KIAA0586: variants seen among roughly 807,000 people sequenced by gnomAD.
The protein encoded by KIAA0586 is KIAA0586.
A neutral mutation model predicts 169.8 loss-of-function variants in KIAA0586; 144 were observed. The ratio of observed to expected loss-of-function variants is 0.85; its 90% CI spans 0.74 to 0.97. The LOEUF is 0.97. Among genes scored for constraint, KIAA0586 ranks in the 50% least tolerant of loss-of-function variants. KIAA0586 has a pLI of 0.00. For synonymous variants in KIAA0586, 625 were observed against 612.4 expected (o/e 1.02, Z -0.30); for missense variants, 1,854 against 1,823.0 (o/e 1.02, Z -0.31).
At chr14:58,559,881 G>A in the KIAA0586 span, among the ~76,000 whole-genome samples, 25 of 152,068 alleles carry the variant, frequency 1.6e-4, no homozygotes, top group African/African-American at 5.1e-4. Flanking sequence ...AGCCGGGCGC[G>A]GTGGCTCACG....
intron 4 of KIAA0586, among the ~76,000 whole-genome samples, chr14:58,438,283 TAAAA>T (rs1228225608): frequency 6.6e-6 from 1 of 152,112 alleles, no homozygotes; most frequent in Non-Finnish European, 1.5e-5. Context: ...TTGGAAAAAA[TAAAA>T]TTTAAAAGCC....
At chr14:58,547,074 T>C (rs2047027747) in intron 30 of KIAA0586, among the ~76,000 whole-genome samples, 1 of 152,084 alleles carries the variant, frequency 6.6e-6, no homozygotes, top group Non-Finnish European at 1.5e-5. Context: ...AGTCCATTTT[T>C]TAGGAATAGG....
intron 20 of KIAA0586, among the ~76,000 whole-genome samples, chr14:58,478,756 A>T (rs2041835049): frequency 6.6e-6 from 1 of 152,182 alleles, no homozygotes; most frequent in Non-Finnish European, 1.5e-5. Flanking sequence ...ACTCGTGCCC[A>T]CTGGCCCCTA....
intron 29 of KIAA0586, among the ~76,000 whole-genome samples, chr14:58,529,377 C>T (rs550882306): frequency 3.9e-5 from 6 of 152,112 alleles, no homozygotes; most frequent in Non-Finnish European, 7.3e-5. Flanking sequence ...CATCCTGATA[C>T]GAAAACCTGG....
At chr14:58,472,300 T>G (rs1212854676) in intron 18 of KIAA0586, 21 bp downstream of exon 18, 2 of 1,392,440 alleles carry the variant, frequency 1.4e-6, no homozygotes, top group Non-Finnish European at 1.9e-6. Context: ...TTAGAAACCA[T>G]GAGAAATTAT....
Position 58,472,265 on chromosome 14 carries a change from A to G in KIAA0586, c.2620A>G (p.Ile874Val). 1 of 1,563,388 alleles carries G rather than the reference A, an allele frequency of 6.4e-7. No homozygotes were observed. The highest frequency in any genetic ancestry group is 1.2e-5 in the South Asian group (1 of 83,478). The change falls in exon 18 of 31, where the codon ATC becomes GTC. Residue 874 changes from isoleucine to valine, a missense_variant. Coordinates refer to ENST00000652326, the MANE Select transcript of KIAA0586 (RefSeq NM_001329943.3). ...TCCAGGAACTAACTTTGATGAAATA[A>G]TCGATGTCATACAGGTAACAAAGCT... The part of the protein sequence containing the change: ...KFPGTNFDEI[I>V]DVIQEEEKCD...
intron 7 of KIAA0586, among the ~76,000 whole-genome samples, chr14:58,449,709 G>T (rs1353753919): frequency 6.6e-6 from 1 of 152,200 alleles, no homozygotes; most frequent in Non-Finnish European, 1.5e-5. Context: ...GTATGACCCA[G>T]CTGAGTGCCT....
chr14:58,489,915 A>G (rs1385702890), intron 24 of KIAA0586, among the ~76,000 whole-genome samples: 1 of 152,144 alleles, frequency 6.6e-6, no homozygotes, highest in East Asian at 1.9e-4. Flanking sequence ...TTTCATAACT[A>G]CAATTGATAT....
In KIAA0586 at chr14:58,500,302, T is replaced by A. The variant is rs181606749; in HGVS notation, c.4168+1342T>A. ...TTAATATATATTTTGGATTCATTAA[T>A]ATTGAACTCACAGCCATTGAACTAT... On this transcript the variant is annotated intron_variant, in intron 27 of 30. Transcript: ENST00000652326. Among the ~76,000 whole-genome samples, 257 of 152,342 alleles carry A rather than the reference T, an allele frequency of 1.7e-3. 1 individual carries two copies. Among genetic ancestry groups the A allele is most frequent in the African/African-American group, 5.7e-3 (237 of 41,576 alleles).
At chr14:58,523,719 ATATTATTAT>A (rs542449532) in intron 29 of KIAA0586, among the ~76,000 whole-genome samples, 110 of 149,040 alleles carry the variant, frequency 7.4e-4, no homozygotes, top group African/African-American at 2.6e-3. Flanking sequence ...TTTTAATTGA[ATATTATTAT>A]TATTATTATT....
At chr14:58,463,414 C>G (rs916466582) in intron 14 of KIAA0586, among the ~76,000 whole-genome samples, 1 of 152,146 alleles carries the variant, frequency 6.6e-6, no homozygotes, top group Non-Finnish European at 1.5e-5. Flanking sequence ...GCTGAACAAA[C>G]ATTTTAAATA....
chr14:58,457,062 A>G (rs1260794437), intron 10 of KIAA0586, among the ~76,000 whole-genome samples: 4 of 152,304 alleles, frequency 2.6e-5, no homozygotes, highest in African/African-American at 7.2e-5. Flanking sequence ...AAAGGGAGGA[A>G]GGGGAAAAGA....
chr14:58,546,762 C>G (rs2047009716), intron 30 of KIAA0586, among the ~76,000 whole-genome samples: 1 of 152,164 alleles, frequency 6.6e-6, no homozygotes, highest in African/African-American at 2.4e-5. Context: ...CCCAAACTGC[C>G]TGCCCTCTGC....
intron 8 of KIAA0586, among the ~76,000 whole-genome samples, chr14:58,451,475 C>G (rs1467149870): frequency 6.6e-6 from 1 of 152,126 alleles, no homozygotes; most frequent in Non-Finnish European, 1.5e-5. Context: ...GATCTGCCCG[C>G]CTCAGCCTCC....
chr14:58,452,201 G>A (rs2039446699), intron 8 of KIAA0586, among the ~76,000 whole-genome samples: 1 of 151,784 alleles, frequency 6.6e-6, no homozygotes, highest in Non-Finnish European at 1.5e-5. Flanking sequence ...GATGATGGGT[G>A]CACCAAAATC....
rs751252539 is a variant in KIAA0586, at chr14:58,453,490, G to A, written c.1253+17G>A. The A allele has an allele frequency of 6.1e-6, 9 of 1,471,230 alleles. No homozygotes were observed. Among genetic ancestry groups the A allele is most frequent in the Non-Finnish European group, 8.1e-6 (9 of 1,114,416 alleles). The allele number at this position is 1,471,230 out of a possible 1,614,324, so 91.1% of individuals were successfully genotyped here. A position where few individuals can be genotyped will look rare whatever the true frequency, so the allele number is the denominator to read the frequency against. ...AACAAACAGGTAAAAACAAGAGATT[G>A]GAATGAAAACTAGATTGAAAAGAGT... On this transcript the variant is annotated intron_variant, in intron 9 of 30. Coordinates refer to ENST00000652326, the MANE Select transcript of KIAA0586 (RefSeq NM_001329943.3).
intron 16 of KIAA0586, 57 bp downstream of exon 16, chr14:58,467,979 C>T (rs772397386): frequency 1.3e-5 from 15 of 1,161,672 alleles, no homozygotes; most frequent in East Asian, 2.4e-5. Context: ...TTTTGCTTAA[C>T]GTTAGTACGG....
intron 29 of KIAA0586, among the ~76,000 whole-genome samples, chr14:58,533,387 T>C (rs1305127558): frequency 7.9e-5 from 12 of 152,252 alleles, no homozygotes; most frequent in Non-Finnish European, 1.8e-4. Flanking sequence ...CTTCAATTAA[T>C]GAGTACAAGA....
intron 9 of KIAA0586, among the ~76,000 whole-genome samples, chr14:58,455,698 G>A (rs1034939256): frequency 8.6e-5 from 13 of 151,600 alleles, no homozygotes; most frequent in African/African-American, 3.2e-4. Flanking sequence ...GTGTGTATGT[G>A]TGTGTGCGAG....
Sources: allele counts gnomAD v4.1 joint callset (sites outside exome capture counted in the v4.1 genomes callset), GRCh38; gene constraint gnomAD v4.1.1; transcripts MANE v1.5; gene names NCBI Gene and HGNC (gene_info 2026-07-23, HGNC 2026-07-21).